Variants in CNTN4 observed in about 807,000 individuals in gnomAD.
The protein encoded by CNTN4 is contactin-4.
Under a neutral mutation model 122.5 loss-of-function variants are expected in CNTN4, and 77 were observed. That is an observed-to-expected ratio of 0.63 (90% CI 0.52 to 0.76). The LOEUF is 0.76. Ranked by LOEUF, CNTN4 falls within the 30% of genes least tolerant of loss-of-function variation. CNTN4 has a pLI of 0.00. For missense variants in CNTN4, 1,256 were observed against 1,259.1 expected, an observed-to-expected ratio of 1.00 and a Z score of 0.04; for synonymous variants, 512 against 447.0, an observed-to-expected ratio of 1.15 and a Z score of -1.83.
chr3:2,389,420 A>C (rs997356214), intron 3 of CNTN4, among the ~76,000 whole-genome samples: 1 of 151,766 alleles, frequency 6.6e-6, no homozygotes, highest in Non-Finnish European at 1.5e-5. Flanking sequence ...TTCTCGAAGA[A>C]AGGTGTAACT....
chr3:2,208,960 T>C (rs555081593), intron 2 of CNTN4, among the ~76,000 whole-genome samples: 2 of 152,324 alleles, frequency 1.3e-5, no homozygotes, highest in African/African-American at 4.8e-5. Flanking sequence ...ATGTGACTTA[T>C]ACACACGGGG....
intron 7 of CNTN4, among the ~76,000 whole-genome samples, chr3:2,820,961 C>CT (rs67731967): frequency 0.34 from 36,478 of 107,212 alleles, 7,128 homozygotes; most frequent in East Asian, 0.6. Flanking sequence ...TTTTCTCTTT[C>CT]TTTTTTTTTT....
At chr3:2,942,506 T>G (rs1406952086) in intron 13 of CNTN4, among the ~76,000 whole-genome samples, 1 of 152,220 alleles carries the variant, frequency 6.6e-6, no homozygotes, top group Non-Finnish European at 1.5e-5. Context: ...GATATAAGAT[T>G]TCATAGATGT....
At position 2,824,114 on chromosome 3, in the gene CNTN4, C is replaced by T. The variant is rs2092934295; in HGVS notation, c.454+4533C>T. 3.3e-5 allele frequency among the ~76,000 whole-genome samples: 5 copies of T among 149,928 alleles called. No individual in the cohort carries two copies. In the Admixed American group the frequency reaches 3.3e-4, roughly 10 times the overall value. On this transcript the variant is annotated intron_variant, in intron 7 of 24. Transcript: ENST00000418658. Reference sequence around the variant, plus strand: ...CATAGGTGTCCAACCTGTTCACAAGCATATTCCGATTCCATAAATCTGGGC... The same window carrying T: ...CATAGGTGTCCAACCTGTTCACAAGTATATTCCGATTCCATAAATCTGGGC...
intron 2 of CNTN4, among the ~76,000 whole-genome samples, chr3:2,193,873 G>C (rs1205698436): frequency 6.6e-6 from 1 of 152,134 alleles, no homozygotes; most frequent in African/African-American, 2.4e-5. Flanking sequence ...TGCAGCCTAG[G>C]AGCAATATGC....
At chr3:2,345,844 G>C (rs575196759) in intron 3 of CNTN4, among the ~76,000 whole-genome samples, 1 of 152,150 alleles carries the variant, frequency 6.6e-6, no homozygotes, top group African/African-American at 2.4e-5. Context: ...TAAATTTGAC[G>C]AATTAATCCT....
chr3:2,477,900 G>T (rs531833524), intron 3 of CNTN4, among the ~76,000 whole-genome samples: 11 of 152,246 alleles, frequency 7.2e-5, no homozygotes, highest in Non-Finnish European at 1.3e-4. Flanking sequence ...TTAATAAAAG[G>T]CTATTAGTAG....
At chr3:2,535,920 A>G (rs1162507586) in intron 3 of CNTN4, among the ~76,000 whole-genome samples, 1 of 152,104 alleles carries the variant, frequency 6.6e-6, no homozygotes, top group Non-Finnish European at 1.5e-5. Flanking sequence ...TGGAAGCCTG[A>G]AGAAATCCCC....
intron 3 of CNTN4, among the ~76,000 whole-genome samples, chr3:2,486,664 T>C (rs551350228): frequency 6.6e-6 from 1 of 152,334 alleles, no homozygotes; most frequent in South Asian, 2.1e-4. Flanking sequence ...GTATTTGTTT[T>C]GTCAGAATAC....
At chr3:2,995,350 A>C (rs1464752491) in intron 14 of CNTN4, among the ~76,000 whole-genome samples, 1 of 152,186 alleles carries the variant, frequency 6.6e-6, no homozygotes, top group African/African-American at 2.4e-5. Context: ...AGCAAATAAC[A>C]TGCCTTTGGC....
In CNTN4 at chr3:2,928,139, A is replaced by G. The variant is rs558384789; in HGVS notation, c.1358+2360A>G. ...CTTCTTGTTCTTCAAGAGAAACTAGAAATCTAGACTTTTGTTTGAGCTTCC... is the reference window on the plus strand; with the variant it reads ...CTTCTTGTTCTTCAAGAGAAACTAGGAATCTAGACTTTTGTTTGAGCTTCC... On this transcript the variant is annotated intron_variant, in intron 13 of 24. Transcript: ENST00000418658. 1.0e-3 allele frequency among the ~76,000 whole-genome samples: 157 copies of G among 152,314 alleles called. 1 individual carries two copies. Among genetic ancestry groups the G allele is most frequent in the African/African-American group, 3.5e-3 (145 of 41,564 alleles).
At chr3:2,599,217 A>G (rs748395721) in intron 4 of CNTN4, among the ~76,000 whole-genome samples, 12 of 152,194 alleles carry the variant, frequency 7.9e-5, no homozygotes, top group Non-Finnish European at 1.3e-4. Context: ...CTCCTTGGCA[A>G]TGTTACTAGT....
At chr3:2,524,345 C>G (rs1176964711) in intron 3 of CNTN4, among the ~76,000 whole-genome samples, 1 of 152,038 alleles carries the variant, frequency 6.6e-6, no homozygotes, top group Non-Finnish European at 1.5e-5. Flanking sequence ...AATAATATTT[C>G]ATCATTTTAG....
chr3:2,354,441 G>T (rs1436443315), intron 3 of CNTN4, among the ~76,000 whole-genome samples: 1 of 152,194 alleles, frequency 6.6e-6, no homozygotes, highest in Non-Finnish European at 1.5e-5. Flanking sequence ...TGAGGCAGGA[G>T]AATCACTTGA....
chr3:2,747,820 G>T (rs1412086155), intron 6 of CNTN4, among the ~76,000 whole-genome samples: 4 of 152,104 alleles, frequency 2.6e-5, no homozygotes, highest in Admixed American at 2.6e-4. Context: ...TCATCACGAG[G>T]CACCCTGGCC....
chr3:3,045,806 G>A (rs1439321878), intron 23 of CNTN4, among the ~76,000 whole-genome samples: 5 of 152,164 alleles, frequency 3.3e-5, no homozygotes, highest in Non-Finnish European at 5.9e-5. Flanking sequence ...GAGAGAAGAA[G>A]GCTTCAGATG....
At chr3:2,256,624 A>C (rs1448759396) in intron 2 of CNTN4, among the ~76,000 whole-genome samples, 1 of 152,178 alleles carries the variant, frequency 6.6e-6, no homozygotes, top group Admixed American at 6.5e-5. Context: ...CTGGGATGCA[A>C]GGCTGGTTCA....
intron 6 of CNTN4, among the ~76,000 whole-genome samples, chr3:2,799,004 C>G (rs902770791): frequency 6.6e-6 from 1 of 152,116 alleles, no homozygotes; most frequent in South Asian, 2.1e-4. Flanking sequence ...CCAACATATT[C>G]TTTTTTGACT....
chr3:2,584,758 C>G (rs547606173), intron 4 of CNTN4, among the ~76,000 whole-genome samples: 1 of 148,316 alleles, frequency 6.7e-6, no homozygotes, highest in Non-Finnish European at 1.5e-5. Context: ...ATTTCCCTCA[C>G]TATCAAATAA....
Sources: allele counts gnomAD v4.1 joint callset (sites outside exome capture counted in the v4.1 genomes callset), GRCh38; gene constraint gnomAD v4.1.1; transcripts MANE v1.5; gene names NCBI Gene and HGNC (gene_info 2026-07-23, HGNC 2026-07-21).